FBXL7: variants seen among roughly 807,000 people sequenced by gnomAD.
FBXL7 encodes F-box and leucine rich repeat protein 7.
FBXL7 carries 12 observed loss-of-function variants against 38.3 expected under a neutral mutation model. The ratio of observed to expected loss-of-function variants is 0.31; its 90% confidence interval spans 0.20 to 0.51. The LOEUF is 0.51. Ranked by LOEUF, FBXL7 falls within the 20% of genes least tolerant of loss-of-function variation. The pLI is 0.98. For synonymous variants in FBXL7, 297 were observed against 300.9 expected, an observed-to-expected ratio of 0.99 and a Z score of 0.13; for missense variants, 567 against 676.4, an observed-to-expected ratio of 0.84 and a Z score of 1.79.
At chr5:15,852,675 T>A (rs1739132890) in intron 2 of FBXL7, among the ~76,000 whole-genome samples, 1 of 151,690 alleles carries the variant, frequency 6.6e-6, no homozygotes, top group South Asian at 2.1e-4. Context: ...TCTGAAATAG[T>A]TTCCCCTGGA....
chr5:15,789,985 G>A (rs939603007), intron 2 of FBXL7, among the ~76,000 whole-genome samples: 12 of 152,256 alleles, frequency 7.9e-5, no homozygotes, highest in Middle Eastern at 6.8e-3. Flanking sequence ...ATAGGCCCCC[G>A]TGGCCAGATC....
chr5:15,917,013 G>A (rs555518813), intron 2 of FBXL7, among the ~76,000 whole-genome samples: 246 of 152,302 alleles, frequency 1.6e-3, no homozygotes, highest in African/African-American at 5.6e-3. Flanking sequence ...ACTCTGTGAA[G>A]TGGGTAGACT....
chr5:15,748,472 G>C (rs1736070147), intron 2 of FBXL7, among the ~76,000 whole-genome samples: 1 of 152,308 alleles, frequency 6.6e-6, no homozygotes, highest in African/African-American at 2.4e-5. Flanking sequence ...TCCTGGTAGT[G>C]AATAAGTCTT....
chr5:15,704,247 T>A (rs1743613588), intron 2 of FBXL7, among the ~76,000 whole-genome samples: 1 of 152,198 alleles, frequency 6.6e-6, no homozygotes, highest in African/African-American at 2.4e-5. Context: ...AATCCTTGAC[T>A]CTTTCAGGAT....
chr5:15,593,443 G>C (rs140490373), intron 1 of FBXL7, among the ~76,000 whole-genome samples: 1,536 of 152,184 alleles, frequency 0.01, 13 homozygotes, highest in Non-Finnish European at 0.016. Context: ...AGAATTGCTT[G>C]AACCCAGGAG....
chr5:15,718,877 C>G (rs1235749457), intron 2 of FBXL7, among the ~76,000 whole-genome samples: 1 of 152,204 alleles, frequency 6.6e-6, no homozygotes, highest in Non-Finnish European at 1.5e-5. Flanking sequence ...GGTGCCAAAA[C>G]CCCTTTTATT....
At position 15,836,650 on chromosome 5, in the gene FBXL7, T is replaced by C. The variant is rs1327747381; in HGVS notation, c.128-91240T>C. Among the ~76,000 whole-genome samples the C allele has an allele frequency of 4.6e-5, 7 of 152,060 alleles. 1 individual carries two copies. Among genetic ancestry groups the C allele is most frequent in the Admixed American group, 4.6e-4 (7 of 15,262 alleles). On this transcript the variant is annotated intron_variant, in intron 2 of 3. Transcript: ENST00000504595. The stretch of plus-strand genomic sequence containing the variant: ...GTGAGGAGCAATTCACTAGAACAAG[T>C]TGGAAAAGAACAGTAACAAGAACTG...
chr5:15,650,686 C>A (rs1741678426), intron 2 of FBXL7, among the ~76,000 whole-genome samples: 1 of 152,212 alleles, frequency 6.6e-6, no homozygotes, highest in Non-Finnish European at 1.5e-5. Flanking sequence ...TAAATGTTTT[C>A]TTGTCATTTC....
At chr5:15,620,513 G>A (rs143176731) in intron 2 of FBXL7, among the ~76,000 whole-genome samples, 1,828 of 151,404 alleles carry the variant, frequency 0.012, 14 homozygotes, top group Non-Finnish European at 0.019. Context: ...GCCTCCTAAA[G>A]TGCTGTTATT....
chr5:15,611,754 G>A (rs1465407674), intron 1 of FBXL7, among the ~76,000 whole-genome samples: 3 of 151,914 alleles, frequency 2.0e-5, no homozygotes, highest in Non-Finnish European at 4.4e-5. Flanking sequence ...AGGCCAAGGT[G>A]GGAGGATTGC....
intron 2 of FBXL7, among the ~76,000 whole-genome samples, chr5:15,631,668 A>C (rs1008966974): frequency 1.9e-5 from 1 of 51,744 alleles, no homozygotes. Flanking sequence ...GCGAGACTCC[A>C]AAAAAAAAAA....
intron 2 of FBXL7, among the ~76,000 whole-genome samples, chr5:15,703,101 G>C (rs1176286959): frequency 6.6e-6 from 1 of 152,208 alleles, no homozygotes; most frequent in Non-Finnish European, 1.5e-5. Context: ...GGATGTGTAT[G>C]TGCAGGTCAC....
chr5:15,902,047 A>C (rs1741245772), intron 2 of FBXL7, among the ~76,000 whole-genome samples: 1 of 152,038 alleles, frequency 6.6e-6, no homozygotes, highest in African/African-American at 2.4e-5. Flanking sequence ...CTGCCACCCC[A>C]TTACCTGTTT....
At chr5:15,767,021 T>C (rs1736609492) in intron 2 of FBXL7, among the ~76,000 whole-genome samples, 1 of 152,212 alleles carries the variant, frequency 6.6e-6, no homozygotes, top group Non-Finnish European at 1.5e-5. Flanking sequence ...TTATTTTAAG[T>C]TCCGGGGTAC....
intron 1 of FBXL7, among the ~76,000 whole-genome samples, chr5:15,605,055 A>G (rs1739959009): frequency 6.6e-6 from 1 of 152,104 alleles, no homozygotes; most frequent in African/African-American, 2.4e-5. Context: ...CTCAGAGATA[A>G]CACTATACTG....
intron 2 of FBXL7, among the ~76,000 whole-genome samples, chr5:15,731,986 G>T (rs1259179674): frequency 1.3e-5 from 2 of 152,098 alleles, no homozygotes; most frequent in Non-Finnish European, 2.9e-5. Flanking sequence ...GTATCCAAAT[G>T]CAGTGAAAAA....
intron 1 of FBXL7, among the ~76,000 whole-genome samples, chr5:15,526,357 G>A (rs1737250991): frequency 6.6e-6 from 1 of 152,142 alleles, no homozygotes; most frequent in African/African-American, 2.4e-5. Flanking sequence ...AAACCCTCCT[G>A]AGGATTCTGT....
chr5:15,743,667 G>A (rs998804287), intron 2 of FBXL7, among the ~76,000 whole-genome samples: 1 of 152,236 alleles, frequency 6.6e-6, no homozygotes, highest in African/African-American at 2.4e-5. Context: ...CCATTAAGCA[G>A]TGCCTCAGTG....
At chr5:15,574,298 T>C (rs1240667226) in intron 1 of FBXL7, among the ~76,000 whole-genome samples, 1 of 152,226 alleles carries the variant, frequency 6.6e-6, no homozygotes, top group Admixed American at 6.5e-5. Flanking sequence ...AGATAAAATA[T>C]GCTTTAACAA....
Sources: gnomAD v4.1 joint callset for allele counts (sites outside exome capture counted in the v4.1 genomes callset) on GRCh38, gnomAD v4.1.1 for gene constraint, MANE v1.5 for transcripts, NCBI Gene and HGNC (gene_info 2026-07-23, HGNC 2026-07-21) for gene names.